Variants in ITFG1 observed in about 807,000 individuals in gnomAD.
ITFG1 encodes the protein integrin alpha FG-GAP repeat containing 1, also known as T-cell immunomodulatory protein.
A neutral mutation model predicts 81.8 loss-of-function variants in ITFG1; 34 were observed. The ratio of observed to expected loss-of-function variants is 0.42; its 90% confidence interval spans 0.32 to 0.55. The LOEUF is 0.55. ITFG1 is among the 20% of genes least tolerant of loss of function. The pLI is 0.17. For synonymous variants in ITFG1, 285 were observed against 270.6 expected, an observed-to-expected ratio of 1.05 and a Z score of -0.52; for missense variants, 672 against 755.4, an observed-to-expected ratio of 0.89 and a Z score of 1.29.
intron 8 of ITFG1, among the ~76,000 whole-genome samples, chr16:47,340,899 T>C (rs1442459167): frequency 7.9e-5 from 12 of 152,032 alleles, no homozygotes; most frequent in Non-Finnish European, 1.8e-4. Context: ...ATAAGAACAT[T>C]GTATAATGAC....
At chr16:47,400,544 A>G (rs889020841) in intron 6 of ITFG1, among the ~76,000 whole-genome samples, 2 of 152,158 alleles carry the variant, frequency 1.3e-5, no homozygotes, top group Admixed American at 6.6e-5. Context: ...AACAGGGAAG[A>G]CAGAGTCACC....
intron 6 of ITFG1, among the ~76,000 whole-genome samples, chr16:47,427,513 C>T (rs888607480): frequency 1.3e-5 from 2 of 152,152 alleles, no homozygotes; most frequent in Admixed American, 1.3e-4. Context: ...AAAAAATTAG[C>T]TGGGCGTGGC....
rs926872674 is a variant in ITFG1, at chr16:47,292,019, C to CT, written c.1070+19220dup. 4.4e-3 allele frequency among the ~76,000 whole-genome samples: 633 copies of CT among 143,180 alleles called. 7 individuals are homozygous for CT. The highest frequency in any genetic ancestry group is 0.013 in the African/African-American group (516 of 39,316). The allele number at this position is 143,180 out of a possible 152,430, so 93.9% of individuals were successfully genotyped here. A position where few individuals can be genotyped will look rare whatever the true frequency, so the allele number is the denominator to read the frequency against. The stretch of plus-strand genomic sequence containing the variant: ...GCATTCATGATGCCATTTTTCCTTG[C>CT]TTTTTTTTTTTTGAGATGGAGTTTC... On this transcript the variant is annotated intron_variant, in intron 10 of 17. Coordinates refer to ENST00000320640, the MANE Select transcript of ITFG1 (RefSeq NM_030790.5).
chr16:47,401,937 C>T (rs1968666514), intron 6 of ITFG1, among the ~76,000 whole-genome samples: 1 of 152,080 alleles, frequency 6.6e-6, no homozygotes, highest in South Asian at 2.1e-4. Context: ...GCCGATCCTC[C>T]TTGGTATTCT....
At chr16:47,409,639 G>A (rs1968784465) in intron 6 of ITFG1, among the ~76,000 whole-genome samples, 2 of 149,246 alleles carry the variant, frequency 1.3e-5, no homozygotes, top group Admixed American at 6.7e-5. Flanking sequence ...GAATGGTCTC[G>A]ATCTCCTGAC....
intron 10 of ITFG1, among the ~76,000 whole-genome samples, chr16:47,279,562 G>C (rs772199853): frequency 6.6e-6 from 1 of 151,988 alleles, no homozygotes; most frequent in Non-Finnish European, 1.5e-5. Context: ...CTTAACTTAG[G>C]GAGTGTGATT....
intron 13 of ITFG1, among the ~76,000 whole-genome samples, chr16:47,235,551 A>C (rs569433376): frequency 4.5e-4 from 69 of 152,306 alleles, no homozygotes; most frequent in Non-Finnish European, 8.4e-4. Flanking sequence ...CAAAATGGAG[A>C]TGAAGGAATA....
chr16:47,346,268 T>C (rs1378907419), intron 8 of ITFG1, among the ~76,000 whole-genome samples: 1 of 152,212 alleles, frequency 6.6e-6, no homozygotes, highest in East Asian at 1.9e-4. Context: ...AAAATACTCA[T>C]TGATACAGGA....
At chr16:47,444,331 G>T (rs1301007992) in intron 5 of ITFG1, among the ~76,000 whole-genome samples, 1 of 152,106 alleles carries the variant, frequency 6.6e-6, no homozygotes, top group Admixed American at 6.6e-5. Context: ...AATAATTTAT[G>T]TTACAAGAAA....
intron 14 of ITFG1, among the ~76,000 whole-genome samples, chr16:47,178,380 A>G (rs987509896): frequency 2.6e-5 from 4 of 152,222 alleles, no homozygotes; most frequent in African/African-American, 9.6e-5. Context: ...GTTTTTAAAC[A>G]GTCCTACTTA....
At chr16:47,269,535 C>T (rs1966314547) in intron 10 of ITFG1, among the ~76,000 whole-genome samples, 1 of 123,670 alleles carries the variant, frequency 8.1e-6, no homozygotes, top group Admixed American at 7.8e-5. Flanking sequence ...GGCATAATAG[C>T]ATCAAAAATA....
intron 6 of ITFG1, among the ~76,000 whole-genome samples, chr16:47,386,483 C>G (rs377140444): frequency 4.6e-5 from 7 of 152,162 alleles, no homozygotes; most frequent in African/African-American, 1.7e-4. Flanking sequence ...AGGCTAAATT[C>G]CAAGAGTGTG....
At chr16:47,395,412 G>A (rs1968581711) in intron 6 of ITFG1, among the ~76,000 whole-genome samples, 1 of 152,178 alleles carries the variant, frequency 6.6e-6, no homozygotes, top group Non-Finnish European at 1.5e-5. Flanking sequence ...GCTTAGGGAT[G>A]CCGTAAATTG....
At chr16:47,319,279 A>C (rs1344634788) in intron 8 of ITFG1, among the ~76,000 whole-genome samples, 1 of 152,212 alleles carries the variant, frequency 6.6e-6, no homozygotes, top group Non-Finnish European at 1.5e-5. Context: ...AAAGTTTTCC[A>C]AAATTCAAAT....
At chr16:47,441,792 C>T (rs1187507719) in intron 5 of ITFG1, among the ~76,000 whole-genome samples, 2 of 152,056 alleles carry the variant, frequency 1.3e-5, no homozygotes, top group African/African-American at 2.4e-5. Context: ...CCCTCTCTCA[C>T]CACTCCTATT....
intron 12 of ITFG1, among the ~76,000 whole-genome samples, chr16:47,255,595 GAGA>G (rs1296291352): frequency 6.6e-6 from 1 of 152,190 alleles, no homozygotes; most frequent in Non-Finnish European, 1.5e-5. Context: ...TTAAGTACTA[GAGA>G]AGAAGGGAAC....
At chr16:47,454,719 T>C (rs1969430759) in intron 2 of ITFG1, among the ~76,000 whole-genome samples, 1 of 152,142 alleles carries the variant, frequency 6.6e-6, no homozygotes, top group Non-Finnish European at 1.5e-5. Flanking sequence ...TATCTAACTT[T>C]ATATGTATAT....
At chr16:47,360,707 C>A (rs1056680721) in intron 8 of ITFG1, among the ~76,000 whole-genome samples, 2 of 152,066 alleles carry the variant, frequency 1.3e-5, no homozygotes, top group African/African-American at 4.8e-5. Flanking sequence ...CCACACACGG[C>A]GCATCTGATT....
At chr16:47,310,787 G>A (rs140133668) in intron 10 of ITFG1, among the ~76,000 whole-genome samples, 5 of 152,204 alleles carry the variant, frequency 3.3e-5, no homozygotes, top group Non-Finnish European at 7.4e-5. Flanking sequence ...ATAACTCCAT[G>A]ACAGAGGTAC....
Sources: gnomAD v4.1 joint callset for allele counts (sites outside exome capture counted in the v4.1 genomes callset) on GRCh38, gnomAD v4.1.1 for gene constraint, MANE v1.5 for transcripts, NCBI Gene and HGNC (gene_info 2026-07-23, HGNC 2026-07-21) for gene names.